Variants in SORCS2 observed in about 807,000 individuals in gnomAD.
SORCS2 encodes sortilin related VPS10 domain containing receptor 2, also known as VPS10 domain-containing receptor SorCS2.
Under a neutral mutation model 141.6 loss-of-function variants are expected in SORCS2, and 100 were observed. The ratio of observed to expected loss-of-function variants is 0.71; its 90% CI spans 0.60 to 0.83. The LOEUF is 0.83. Ranked by LOEUF, SORCS2 falls within the 40% of genes least tolerant of loss-of-function variation. The pLI is 0.00. For synonymous variants in SORCS2, 789 were observed against 676.9 expected (o/e 1.17, Z -2.57); for missense variants, 1,646 against 1,560.2 (o/e 1.05, Z -0.93).
chr4:7,291,966 G>T (rs887949306), intron 1 of SORCS2, among the ~76,000 whole-genome samples: 1 of 152,242 alleles, frequency 6.6e-6, no homozygotes, highest in Non-Finnish European at 1.5e-5. Flanking sequence ...CCAAGGCAGG[G>T]ATGGTAGGAG....
chr4:7,734,257 C>G lies in SORCS2; in HGVS notation c.3209-15C>G. The G allele has an allele frequency of 6.3e-7, 1 of 1,580,052 alleles. No individual in the cohort carries two copies. Among genetic ancestry groups the G allele is most frequent in the African/African-American group, 1.3e-5 (1 of 74,304 alleles). ...GGTGCCCGAGGTCCTCCACTGACAA[C>G]CGCTTTGCTTGCAGGTGCTGAGCAG... On this transcript the variant is annotated splice_polypyrimidine_tract_variant and intron_variant, in intron 24 of 26. Coordinates refer to ENST00000507866, the MANE Select transcript of SORCS2 (RefSeq NM_020777.3).
Position 7,294,481 on chromosome 4 carries a change from T to C in SORCS2, c.480+101355T>C, listed in dbSNP as rs959567678. ...ATCATCAGAGAGGCCTCTGACAGTGTGCAGAGCACCTGCCCCAGGGAGCTC... is the reference window on the plus strand; with the variant it reads ...ATCATCAGAGAGGCCTCTGACAGTGCGCAGAGCACCTGCCCCAGGGAGCTC... On this transcript the variant is annotated intron_variant, in intron 1 of 26. Coordinates refer to ENST00000507866, the MANE Select transcript of SORCS2 (RefSeq NM_020777.3). Among the ~76,000 whole-genome samples the C allele has an allele frequency of 4.6e-5, 7 of 151,894 alleles. No homozygotes were observed. The South Asian group carries it at 1.2e-3, about 27-fold the overall frequency.
At chr4:7,614,847 A>G (rs1177553303) in intron 3 of SORCS2, among the ~76,000 whole-genome samples, 1 of 149,156 alleles carries the variant, frequency 6.7e-6, no homozygotes, top group Non-Finnish European at 1.5e-5. Context: ...TCCATCTCTT[A>G]TCCACTGTCC....
At chr4:7,421,936 C>T (rs531861360) in intron 2 of SORCS2, among the ~76,000 whole-genome samples, 2 of 147,918 alleles carry the variant, frequency 1.4e-5, no homozygotes, top group East Asian at 4.4e-4. Flanking sequence ...CATCACGCTC[C>T]CTCCCCCATG....
rs1411313538 is a variant in SORCS2, at chr4:7,192,959, G to C, written c.313G>C (p.Gly105Arg). Reference sequence around the variant, plus strand: ...GAGTCCCGGTCCCGCTCCTGGTCCCGGCGAGGACGGCGCCCCCGCCGCGGG... The same window carrying C: ...GAGTCCCGGTCCCGCTCCTGGTCCCCGCGAGGACGGCGCCCCCGCCGCGGG... ...GPSPGPAPGP[G>R]EDGAPAAGYR... The change falls in exon 1 of 27, where the codon GGC (glycine) becomes CGC (arginine). Residue 105 changes from glycine to arginine, a missense_variant. Physicochemically the swap from Gly to Arg is moderately radical, Grantham distance 125. Transcript: ENST00000507866. The surrounding 1 kb of genome is among the most constrained non-coding windows in gnomAD (Gnocchi z 4.0). The C allele has an allele frequency of 2.2e-6, 3 of 1,357,040 alleles. No individual in the cohort carries two copies. The South Asian group carries it at 5.3e-5, about 24-fold the overall frequency. 84.1% of individuals were successfully genotyped at this position (1,357,040 alleles called of 1,614,324 possible). A position where few individuals can be genotyped will look rare whatever the true frequency, so the allele number is the denominator to read the frequency against.
At chr4:7,613,143 C>A (rs940122021) in intron 3 of SORCS2, among the ~76,000 whole-genome samples, 35 of 152,260 alleles carry the variant, frequency 2.3e-4, no homozygotes, top group Admixed American at 6.5e-5. Flanking sequence ...GCCTTCCAGG[C>A]AGAGGGAGCA....
chr4:7,581,264 A>G (rs1245318211), intron 3 of SORCS2, among the ~76,000 whole-genome samples: 3 of 151,914 alleles, frequency 2.0e-5, no homozygotes. Context: ...ATACATGAAA[A>G]GAGGCTCAGC....
chr4:7,472,070 G>T (rs955520194), intron 2 of SORCS2, among the ~76,000 whole-genome samples: 1 of 152,242 alleles, frequency 6.6e-6, no homozygotes, highest in African/African-American at 2.4e-5. Context: ...AGTGCTCCCT[G>T]CACTGGGGGG....
In SORCS2 at chr4:7,536,856, C is replaced by A. The variant is rs139497171; in HGVS notation, c.648+5227C>A. Among the ~76,000 whole-genome samples, 1,299 of 151,724 alleles carry A rather than the reference C, an allele frequency of 8.6e-3. 17 individuals carry two copies. The highest frequency in any genetic ancestry group is 0.011 in the Non-Finnish European group (727 of 67,970). ...GTGGGGGGGGGGGGCGGGCAGGGCCCACCTCGAGGTCACCATTTGTTCACT... is the reference window on the plus strand; with the variant it reads ...GTGGGGGGGGGGGGCGGGCAGGGCCAACCTCGAGGTCACCATTTGTTCACT... On this transcript the variant is annotated intron_variant, in intron 3 of 26. Coordinates refer to ENST00000507866, the MANE Select transcript of SORCS2 (RefSeq NM_020777.3).
chr4:7,394,502 C>T (rs964769204), intron 1 of SORCS2, among the ~76,000 whole-genome samples: 2 of 143,142 alleles, frequency 1.4e-5, no homozygotes, highest in African/African-American at 5.3e-5. Flanking sequence ...AGCAGGAATT[C>T]ACCGAGGAAA....
chr4:7,615,725 G>T (rs888953748), intron 3 of SORCS2, among the ~76,000 whole-genome samples: 1 of 152,068 alleles, frequency 6.6e-6, no homozygotes, highest in African/African-American at 2.4e-5. Context: ...TGGCTCCTCT[G>T]TGCTCCCGCA....
At chr4:7,221,886 A>G (rs775783767) in intron 1 of SORCS2, among the ~76,000 whole-genome samples, 12 of 152,228 alleles carry the variant, frequency 7.9e-5, no homozygotes, top group Non-Finnish European at 1.5e-4. Context: ...CTGGTTCAAT[A>G]TGGACCAAGC....
At position 7,200,221 on chromosome 4, in the gene SORCS2, G is replaced by C. The variant is rs186946884; in HGVS notation, c.480+7095G>C. 5.9e-5 allele frequency among the ~76,000 whole-genome samples: 9 copies of C among 152,300 alleles called. 1 individual carries two copies. In the East Asian group the frequency reaches 1.7e-3, roughly 29 times the overall value. The stretch of plus-strand genomic sequence containing the variant: ...CACCAGGGGCCGACTGAGGGGTCCA[G>C]AGTTGTGGTTGTGAGCCCAGATTCC... On this transcript the variant is annotated intron_variant, in intron 1 of 26. Transcript: ENST00000507866.
chr4:7,369,654 C>T (rs1204688701), intron 1 of SORCS2, among the ~76,000 whole-genome samples: 7 of 152,160 alleles, frequency 4.6e-5, no homozygotes, highest in South Asian at 2.1e-4. Flanking sequence ...GTGGCCTGGC[C>T]CCAGCTTTGC....
At chr4:7,531,687 G>T (rs1711668745) in intron 3 of SORCS2, 58 bp downstream of exon 3, 2 of 1,529,978 alleles carry the variant, frequency 1.3e-6, no homozygotes, top group Admixed American at 3.5e-5. Context: ...CGCTCACTCT[G>T]CAGAGCAAGG....
chr4:7,555,464 C>T (rs1031743897), intron 3 of SORCS2, among the ~76,000 whole-genome samples: 1 of 152,226 alleles, frequency 6.6e-6, no homozygotes, highest in Non-Finnish European at 1.5e-5. Flanking sequence ...GAGGAGGCAT[C>T]TGAGACACAG....
At position 7,376,207 on chromosome 4, in the gene SORCS2, A is replaced by G. The variant is rs544131047; in HGVS notation, c.481-20081A>G. On this transcript the variant is annotated intron_variant, in intron 1 of 26. Transcript: ENST00000507866. ...GAGCAAACAGGATCTCTTTTGTAGT[A>G]CAATTTTTCCCTGGTTGTAAATATA... 3.3e-5 allele frequency among the ~76,000 whole-genome samples: 5 copies of G among 152,272 alleles called. No individual in the cohort carries two copies. In the East Asian group the frequency reaches 9.7e-4, roughly 29 times the overall value.
chr4:7,385,181 A>C (rs1723216657), intron 1 of SORCS2, among the ~76,000 whole-genome samples: 2 of 152,180 alleles, frequency 1.3e-5, no homozygotes, highest in Non-Finnish European at 2.9e-5. Context: ...GTGAGGCCGC[A>C]TCCCTTGGAG....
intron 18 of SORCS2, among the ~76,000 whole-genome samples, chr4:7,721,812 C>T (rs540730132): frequency 2.0e-5 from 3 of 152,060 alleles, no homozygotes; most frequent in Non-Finnish European, 4.4e-5. Flanking sequence ...TGGGGAGAGC[C>T]GGGTACGGGG....
Sources: allele counts gnomAD v4.1 joint callset (sites outside exome capture counted in the v4.1 genomes callset), GRCh38; gene constraint gnomAD v4.1.1; non-coding constraint Gnocchi (gnomAD v3.1); transcripts MANE v1.5; gene names NCBI Gene and HGNC (gene_info 2026-07-23, HGNC 2026-07-21).